The following SNX13 variants were observed in gnomAD, a reference collection of about 807,000 sequenced individuals.
The protein encoded by SNX13 is sorting nexin 13, also known as sorting nexin-13.
SNX13 carries 45 observed loss-of-function variants against 133.6 expected under a neutral mutation model. That is an observed-to-expected ratio of 0.34 (90% CI 0.27 to 0.43). The LOEUF (loss-of-function observed/expected upper bound fraction) is 0.43. Ranked by LOEUF, SNX13 falls within the 20% of genes least tolerant of loss-of-function variation. The pLI is 1.00. For synonymous variants in SNX13, 414 were observed against 373.9 expected (o/e 1.11, Z -1.24); for missense variants, 1,032 against 1,145.1 (o/e 0.90, Z 1.43).
Position 17,868,441 on chromosome 7 carries a change from T to C in SNX13, c.803A>G (p.Asp268Gly). The change falls in exon 9 of 26, where the codon GAT becomes GGT. Residue 268 changes from aspartate (D) to glycine (G), a missense_variant. Asp to Gly is a moderately conservative substitution (Grantham distance 94, BLOSUM62 -1). Coordinates refer to ENST00000428135, the MANE Select transcript of SNX13 (RefSeq NM_015132.5). ...ILLPLINQLS[D>G]PDYINQYVIW... ...GACATACTGATTAATATAATCAGGA[T>C]CACTGAGTTGATTTATTAATGGAAG... 1.9e-6 allele frequency: 3 copies of C among 1,610,430 alleles called. No homozygotes were observed. Among genetic ancestry groups the C allele is most frequent in the Non-Finnish European group, 2.5e-6 (3 of 1,178,250 alleles).
At chr7:17,928,302 C>G (rs1800995368) in intron 1 of SNX13, among the ~76,000 whole-genome samples, 1 of 152,150 alleles carries the variant, frequency 6.6e-6, no homozygotes, top group Non-Finnish European at 1.5e-5. Context: ...TGATTCCAGC[C>G]TGGGCAATAT....
At chr7:17,871,284 C>T (rs550785252) in intron 8 of SNX13, among the ~76,000 whole-genome samples, 6 of 152,172 alleles carry the variant, frequency 3.9e-5, no homozygotes, top group East Asian at 3.9e-4. Context: ...GGATCACAGG[C>T]GTGAGCCACC....
At chr7:17,883,751 C>T (rs1795644951) in intron 5 of SNX13, among the ~76,000 whole-genome samples, 1 of 152,010 alleles carries the variant, frequency 6.6e-6, no homozygotes, top group Admixed American at 6.6e-5. Flanking sequence ...GTGATGTTCC[C>T]CTCCCTGTGT....
chr7:17,927,383 C>G lies in SNX13; in HGVS notation c.12+12901G>C, dbSNP rs1456786457. Among the ~76,000 whole-genome samples the G allele has an allele frequency of 3.3e-5, 5 of 152,120 alleles. No homozygotes were observed. In the South Asian group the frequency reaches 1.0e-3, roughly 32 times the overall value. ...TCAGCCTCCTGAGTAGCTAGGACTA[C>G]AGGCACACACCACCATGCCTGGCTA... On this transcript the variant is annotated intron_variant, in intron 1 of 25. Transcript: ENST00000428135.
At chr7:17,846,937 G>C (rs879400463) in intron 11 of SNX13, among the ~76,000 whole-genome samples, 18 of 152,160 alleles carry the variant, frequency 1.2e-4, no homozygotes, top group Non-Finnish European at 2.6e-4. Context: ...AATCCGTGGG[G>C]ATTCTGAGTT....
Position 17,823,786 on chromosome 7 carries a change from T to C in SNX13, c.1706-2138A>G, listed in dbSNP as rs145836018. On this transcript the variant is annotated intron_variant, in intron 17 of 25. Coordinates refer to ENST00000428135, the MANE Select transcript of SNX13 (RefSeq NM_015132.5). ...TAGCATGGCAACAAGGGAATGGTTT[T>C]ATCAGGTGTGTCCAAGATAGGTTTG... is the stretch of plus-strand genomic sequence containing the variant. Among the ~76,000 whole-genome samples the C allele has an allele frequency of 2.0e-4, 31 of 152,282 alleles. No homozygotes were observed. The South Asian group carries it at 3.5e-3, about 17-fold the overall frequency.
chr7:17,801,121 C>T (rs373154457), intron 22 of SNX13, among the ~76,000 whole-genome samples: 7 of 111,058 alleles, frequency 6.3e-5, no homozygotes, highest in African/African-American at 1.7e-4. Context: ...CAGACATGTA[C>T]GAATGTTCAT....
At chr7:17,823,333 T>C (rs986873459) in intron 17 of SNX13, among the ~76,000 whole-genome samples, 1 of 152,158 alleles carries the variant, frequency 6.6e-6, no homozygotes, top group African/African-American at 2.4e-5. Context: ...GATCTTGTAA[T>C]AATGGATTAC....
chr7:17,938,802 C>T (rs1216188498), intron 1 of SNX13, among the ~76,000 whole-genome samples: 1 of 152,158 alleles, frequency 6.6e-6, no homozygotes, highest in Non-Finnish European at 1.5e-5. Context: ...TATAATATTA[C>T]ACATTAGAGA....
intron 9 of SNX13, among the ~76,000 whole-genome samples, chr7:17,861,037 A>T (rs1386591133): frequency 6.6e-6 from 1 of 151,722 alleles, no homozygotes; most frequent in African/African-American, 2.4e-5. Context: ...TTTTTTTGTG[A>T]TGGGGTCTTG....
At chr7:17,900,242 G>A (rs1470565016) in intron 1 of SNX13, 1 of 152,330 alleles carries the variant, frequency 6.6e-6, no homozygotes, top group Admixed American at 6.5e-5. Context: ...CCTCCACTGT[G>A]ATGGCACTGG....
intron 22 of SNX13, among the ~76,000 whole-genome samples, chr7:17,799,860 C>T (rs1263856372): frequency 6.6e-6 from 1 of 151,746 alleles, no homozygotes; most frequent in Non-Finnish European, 1.5e-5. Context: ...AGATTTAGTA[C>T]CACATATAAT....
chr7:17,836,162 G>A (rs1789109237), intron 13 of SNX13, among the ~76,000 whole-genome samples: 1 of 151,862 alleles, frequency 6.6e-6, no homozygotes, highest in Non-Finnish European at 1.5e-5. Flanking sequence ...AACACTTTTA[G>A]TGTACCAACA....
At chr7:17,883,250 G>A (rs1795579012) in intron 5 of SNX13, among the ~76,000 whole-genome samples, 1 of 152,046 alleles carries the variant, frequency 6.6e-6, no homozygotes, top group African/African-American at 2.4e-5. Flanking sequence ...AATTTACACA[G>A]AAGTACACAC....
intron 19 of SNX13, 43 bp downstream of exon 19, chr7:17,816,139 A>G (rs1786631626): frequency 6.7e-7 from 1 of 1,493,002 alleles, no homozygotes; most frequent in Non-Finnish European, 8.9e-7. Context: ...CCTGTGTGCT[A>G]TATTAAATGA....
intron 8 of SNX13, among the ~76,000 whole-genome samples, chr7:17,872,005 C>T (rs967677223): frequency 6.6e-6 from 1 of 152,152 alleles, no homozygotes; most frequent in African/African-American, 2.4e-5. Flanking sequence ...AAGAATAAGA[C>T]TTCCACTTTG....
chr7:17,891,200 T>C (rs1035015344), intron 4 of SNX13, among the ~76,000 whole-genome samples: 7 of 152,018 alleles, frequency 4.6e-5, no homozygotes, highest in Non-Finnish European at 1.0e-4. Flanking sequence ...TTCCATTTTT[T>C]AAAAGGTAAC....
chr7:17,915,988 T>C (rs1274973681), intron 1 of SNX13, among the ~76,000 whole-genome samples: 2 of 152,044 alleles, frequency 1.3e-5, no homozygotes, highest in Non-Finnish European at 2.9e-5. Context: ...AAAATAGAAA[T>C]TAATACCAAG....
intron 13 of SNX13, among the ~76,000 whole-genome samples, chr7:17,835,144 G>A (rs1474433610): frequency 6.6e-6 from 1 of 151,756 alleles, no homozygotes; most frequent in African/African-American, 2.4e-5. Context: ...TACCCCATCT[G>A]TAAAATGGAG....
Sources: gnomAD v4.1 joint callset for allele counts (sites outside exome capture counted in the v4.1 genomes callset) on GRCh38, gnomAD v4.1.1 for gene constraint, MANE v1.5 for transcripts, NCBI Gene and HGNC (gene_info 2026-07-23, HGNC 2026-07-21) for gene names.